AATF: variants seen among roughly 807,000 people sequenced by gnomAD.
AATF encodes the protein apoptosis antagonizing transcription factor, also known as protein AATF.
In AATF, 48 loss-of-function variants were observed where a neutral mutation model predicts 63.7. The ratio of observed to expected loss-of-function variants is 0.75; its 90% CI spans 0.60 to 0.96. The LOEUF (loss-of-function observed/expected upper bound fraction) is 0.96, where lower values mean the gene tolerates loss of function less well. Ranked by LOEUF, AATF falls within the 40% of genes least tolerant of loss-of-function variation. The probability of loss-of-function intolerance (pLI) is 0.00; values close to 1 mark genes in which losing one functional copy is unlikely to be tolerated. For synonymous variants in AATF, 258 were observed against 247.7 expected (o/e 1.04, Z -0.39); for missense variants, 639 against 685.7 (o/e 0.93, Z 0.76).
intron 4 of AATF, among the ~76,000 whole-genome samples, chr17:36,956,325 GCAATATGA>G (rs911614103): frequency 1.3e-5 from 2 of 152,098 alleles, no homozygotes; most frequent in African/African-American, 4.8e-5. Flanking sequence ...TTTTCTTGTG[GCAATATGA>G]CATAATATGT....
rs2071186466 is a variant in AATF at position 36,988,519 on chromosome 17, TGAG to T, written c.952_954del (p.Glu318del). The T allele has an allele frequency of 5.0e-6, 8 of 1,613,642 alleles. No homozygotes were observed. Among genetic ancestry groups the T allele is most frequent in the Admixed American group, 3.3e-5 (2 of 59,956 alleles). On this transcript the variant is annotated inframe_deletion and splice_region_variant, in exon 6 of 12. Coordinates refer to ENST00000619387, the MANE Select transcript of AATF (RefSeq NM_012138.4). ...CATAATATTCTTACTGCTTTTCTAG[TGAG>T]GAGATTTCTAGTGAAGATGATGAGC... is the stretch of plus-strand genomic sequence containing the variant.
chr17:36,989,421 C>T lies in AATF; in HGVS notation c.1314+10C>T, dbSNP rs7218601. On this transcript the variant is annotated intron_variant, in intron 7 of 11. Transcript: ENST00000619387. ...TTTGCCAGGGGAACCGGTAAGAACT[C>T]TGTAATGCAGAGTGATTATGGGGAA... 3,837 of 1,603,232 alleles carry T rather than the reference C, an allele frequency of 2.4e-3. 75 individuals carry two copies. The African/African-American group carries it at 0.042, about 17-fold the overall frequency.
chr17:37,030,920 A>G (rs2071547093), intron 10 of AATF, among the ~76,000 whole-genome samples: 1 of 152,214 alleles, frequency 6.6e-6, no homozygotes, highest in African/African-American at 2.4e-5. Context: ...AAAATGAGGT[A>G]GTCAATTCCT....
At chr17:37,029,604 C>T (rs1014841139) in intron 10 of AATF, among the ~76,000 whole-genome samples, 21 of 151,948 alleles carry the variant, frequency 1.4e-4, no homozygotes, top group African/African-American at 4.6e-4. Context: ...ATCTCTCTGT[C>T]GCCCAGGCTG....
At chr17:37,037,807 T>C (rs2071605255) in intron 11 of AATF, among the ~76,000 whole-genome samples, 1 of 151,924 alleles carries the variant, frequency 6.6e-6, no homozygotes, top group African/African-American at 2.4e-5. Flanking sequence ...ATCATGGGGG[T>C]GGATTTCTCA....
At chr17:36,952,701 A>G (rs1417357321) in intron 2 of AATF, among the ~76,000 whole-genome samples, 185 bp from the exon 3 acceptor site, 1 of 152,230 alleles carries the variant, frequency 6.6e-6, no homozygotes, top group African/African-American at 2.4e-5. Context: ...CCCGTGTTCT[A>G]TTCATCTTTG....
chr17:36,989,175 T>C (rs2071193463), intron 6 of AATF, 72 bp from the exon 7 acceptor site: 1 of 1,485,610 alleles, frequency 6.7e-7, no homozygotes, highest in African/African-American at 1.4e-5. Flanking sequence ...CACAGAAAGA[T>C]AGAGAAACCA....
At chr17:37,015,008 T>A (rs188212082) in intron 8 of AATF, among the ~76,000 whole-genome samples, 49 of 152,050 alleles carry the variant, frequency 3.2e-4, no homozygotes, top group Non-Finnish European at 6.3e-4. Flanking sequence ...GTTTTGGGGG[T>A]TTTTTTCTCC....
intron 11 of AATF, among the ~76,000 whole-genome samples, chr17:37,038,629 A>G (rs1006621181): frequency 6.6e-6 from 1 of 152,218 alleles, no homozygotes; most frequent in African/African-American, 2.4e-5. Context: ...TCCCCCCCTT[A>G]TTCCAAAAAT....
Position 36,986,973 on chromosome 17 carries a change from T to C in AATF, c.947+242T>C, listed in dbSNP as rs559544722. On this transcript the variant is annotated intron_variant, in intron 5 of 11. Transcript: ENST00000619387. ...AGGCTTGCCTTCTCTTTAGATCTAT[T>C]GGAATTAGAAGATAAAAGCACTTTG... Among the ~76,000 whole-genome samples the C allele has an allele frequency of 7.9e-5, 12 of 152,252 alleles. 1 individual carries two copies. The South Asian group carries it at 2.3e-3, about 29-fold the overall frequency.
At chr17:37,046,767 A>ACACACACG (rs1555655374) in intron 11 of AATF, among the ~76,000 whole-genome samples, 1 of 150,650 alleles carries the variant, frequency 6.6e-6, no homozygotes, top group African/African-American at 2.5e-5. Context: ...ACACACACAC[A>ACACACACG]CACGCATGCA....
intron 2 of AATF, among the ~76,000 whole-genome samples, chr17:36,952,541 C>A (rs190240161): frequency 8.3e-4 from 127 of 152,332 alleles, no homozygotes; most frequent in African/African-American, 3.0e-3. Context: ...CTAGCTCTTC[C>A]TTAGAGATTA....
intron 10 of AATF, 79 bp from the exon 11 acceptor site, chr17:37,031,535 T>C (rs2071551812): frequency 1.7e-6 from 2 of 1,176,142 alleles, no homozygotes; most frequent in Non-Finnish European, 2.6e-6. Context: ...TTCTGGAGTT[T>C]GTTAACTCAC....
intron 11 of AATF, among the ~76,000 whole-genome samples, chr17:37,043,764 G>A (rs976860652): frequency 6.6e-5 from 10 of 152,054 alleles, no homozygotes; most frequent in East Asian, 3.8e-4. Flanking sequence ...TTATGCCCTC[G>A]CTCGTATGCA....
At chr17:37,001,409 A>G (rs7224291) in intron 8 of AATF, among the ~76,000 whole-genome samples, 8,000 of 29,412 alleles carry the variant, frequency 0.27, 559 homozygotes, top group African/African-American at 0.44. Context: ...GGGAGGGAGG[A>G]AGGAAGGAAG....
intron 4 of AATF, 87 bp from the exon 5 acceptor site, chr17:36,986,530 C>T (rs2071170054): frequency 2.9e-6 from 3 of 1,047,892 alleles, no homozygotes; most frequent in East Asian, 4.7e-5. Flanking sequence ...ACAGCCAGAA[C>T]TGCTCAGGAG....
chr17:36,973,522 A>G (rs1567969811), intron 4 of AATF, among the ~76,000 whole-genome samples: 2 of 152,232 alleles, frequency 1.3e-5, no homozygotes, highest in Admixed American at 6.5e-5. Flanking sequence ...CAATGAAGGC[A>G]GGAGAAATAT....
chr17:37,006,078 A>G (rs1597722448), intron 8 of AATF, among the ~76,000 whole-genome samples: 1 of 152,288 alleles, frequency 6.6e-6, no homozygotes, highest in South Asian at 2.1e-4. Flanking sequence ...AGGGCTGTAC[A>G]GTGAACTATG....
At chr17:36,971,526 G>C (rs1377215014) in intron 4 of AATF, among the ~76,000 whole-genome samples, 1 of 152,156 alleles carries the variant, frequency 6.6e-6, no homozygotes, top group Non-Finnish European at 1.5e-5. Context: ...TTTAAATAAA[G>C]CTAAACATAT....
Sources: allele counts gnomAD v4.1 joint callset (sites outside exome capture counted in the v4.1 genomes callset), GRCh38; gene constraint gnomAD v4.1.1; transcripts MANE v1.5; gene names NCBI Gene and HGNC (gene_info 2026-07-23, HGNC 2026-07-21).